The following EPHA3 variants were observed in gnomAD, a reference collection of about 807,000 sequenced individuals.
EPHA3 encodes the protein ephrin type-A receptor 3.
Under a neutral mutation model 107.1 loss-of-function variants are expected in EPHA3, and 42 were observed. That is an observed-to-expected ratio of 0.39 (90% confidence interval 0.31 to 0.51). The LOEUF is 0.51. Among genes scored for constraint, EPHA3 ranks in the 20% least tolerant of loss-of-function variants. The pLI is 0.78. For synonymous variants in EPHA3, 461 were observed against 424.8 expected, an observed-to-expected ratio of 1.09 and a Z score of -1.05; for missense variants, 1,183 against 1,211.2, an observed-to-expected ratio of 0.98 and a Z score of 0.35.
chr3:89,289,466 C>G (rs541412608), intron 3 of EPHA3, among the ~76,000 whole-genome samples: 3 of 152,066 alleles, frequency 2.0e-5, no homozygotes, highest in South Asian at 4.2e-4. Context: ...AGTAATTCAT[C>G]CTGTATAATG....
intron 11 of EPHA3, among the ~76,000 whole-genome samples, chr3:89,424,509 T>C (rs1218172970): frequency 6.6e-6 from 1 of 151,252 alleles, no homozygotes; most frequent in Non-Finnish European, 1.5e-5. Context: ...TTCAATATTG[T>C]ACAGGAAATC....
rs1708397317 is a variant in EPHA3, at chr3:89,375,987, T to A, written c.1307-19850T>A. Among the ~76,000 whole-genome samples, 3 of 151,918 alleles carry A rather than the reference T, an allele frequency of 2.0e-5. No individual in the cohort carries two copies. In the South Asian group the frequency reaches 6.2e-4, roughly 32 times the overall value. ...CTGCCTTTTTACACTACTTTAACCT[T>A]CACACCTTACATGGCACCTGGCATA... On this transcript the variant is annotated intron_variant, in intron 5 of 16. Coordinates refer to ENST00000336596, the MANE Select transcript of EPHA3 (RefSeq NM_005233.6).
chr3:89,229,114 G>A (rs1559610374), intron 3 of EPHA3, among the ~76,000 whole-genome samples: 1 of 151,924 alleles, frequency 6.6e-6, no homozygotes, highest in Non-Finnish European at 1.5e-5. Context: ...TTCGTAGGAT[G>A]TAAGTGCTAA....
At chr3:89,212,464 A>G (rs1397414718) in intron 3 of EPHA3, among the ~76,000 whole-genome samples, 2 of 151,898 alleles carry the variant, frequency 1.3e-5, no homozygotes, top group Non-Finnish European at 2.9e-5. Flanking sequence ...CATTGACAAT[A>G]TTTTACTTGA....
At chr3:89,124,046 G>A (rs749828801) in intron 1 of EPHA3, among the ~76,000 whole-genome samples, 3 of 152,046 alleles carry the variant, frequency 2.0e-5, no homozygotes, top group Non-Finnish European at 4.4e-5. Context: ...TTATCATTGC[G>A]AACTCGTATT....
At chr3:89,200,438 A>G (rs1479112698) in intron 2 of EPHA3, among the ~76,000 whole-genome samples, 1 of 152,202 alleles carries the variant, frequency 6.6e-6, no homozygotes, top group Non-Finnish European at 1.5e-5. Flanking sequence ...GGAAATGTTC[A>G]GTATATAATT....
chr3:89,208,474 G>GAGAA (rs1706177872), intron 2 of EPHA3, among the ~76,000 whole-genome samples: 2 of 131,722 alleles, frequency 1.5e-5, no homozygotes, highest in African/African-American at 2.9e-5. Flanking sequence ...AAGAAAGAAA[G>GAGAA]AAAGAAAGAG....
rs368364496 is a variant in EPHA3 at position 89,148,075 on chromosome 3, A to T, written c.153+20802A>T. On this transcript the variant is annotated intron_variant, in intron 2 of 16. Coordinates refer to ENST00000336596, the MANE Select transcript of EPHA3 (RefSeq NM_005233.6). ...ATGTCTAGAATGTACAAAGATTTTT[A>T]GGGAAAAAATGCATGAACTTGTGTG... Among the ~76,000 whole-genome samples, 5 of 152,116 alleles carry T rather than the reference A, an allele frequency of 3.3e-5. No homozygotes were observed. The South Asian group carries it at 1.0e-3, about 32-fold the overall frequency.
intron 15 of EPHA3, among the ~76,000 whole-genome samples, chr3:89,468,220 A>G (rs1197414845): frequency 1.3e-4 from 19 of 149,850 alleles, no homozygotes. Flanking sequence ...TTGCAGGGCT[A>G]GTTATTCTGA....
intron 5 of EPHA3, among the ~76,000 whole-genome samples, chr3:89,383,485 T>G (rs1708550127): frequency 6.6e-6 from 1 of 152,088 alleles, no homozygotes; most frequent in Non-Finnish European, 1.5e-5. Context: ...CAGAGAATCC[T>G]GCAAGCATCC....
At chr3:89,429,004 T>G in intron 11 of EPHA3, 102 bp from the exon 12 acceptor site, 1 of 690,156 alleles carries the variant, frequency 1.4e-6, no homozygotes, top group Admixed American at 3.1e-5. Flanking sequence ...GCAAAGTTCT[T>G]ACATCTCTAT....
At chr3:89,208,399 AAAGG>A (rs11272670) in intron 2 of EPHA3, among the ~76,000 whole-genome samples, 2 of 26,920 alleles carry the variant, frequency 7.4e-5, no homozygotes, top group Middle Eastern at 0.02. Flanking sequence ...GAAAGAAAGA[AAAGG>A]AAGGAAGGAA....
chr3:89,416,021 C>A (rs1265516449), intron 10 of EPHA3, among the ~76,000 whole-genome samples: 1 of 151,274 alleles, frequency 6.6e-6, no homozygotes, highest in African/African-American at 2.4e-5. Context: ...ACTTAGCTGA[C>A]ACAGAAGCAT....
At chr3:89,107,923 G>A (rs377158509) in intron 1 of EPHA3, 87 bp downstream of exon 1, 10 of 1,319,544 alleles carry the variant, frequency 7.6e-6, no homozygotes, top group Admixed American at 6.9e-5. Flanking sequence ...TTGCACGTCG[G>A]GAAGGTGCCT....
Position 89,218,847 on chromosome 3 carries a change from T to C in EPHA3, c.814+8327T>C, listed in dbSNP as rs1395558700. On this transcript the variant is annotated intron_variant, in intron 3 of 16. Coordinates refer to ENST00000336596, the MANE Select transcript of EPHA3 (RefSeq NM_005233.6). ...AGGAAACAACAGGTGCTGGAGAGGA[T>C]GTGGAGAAATAGGAACACTTTTACA... is the stretch of plus-strand genomic sequence containing the variant. Among the ~76,000 whole-genome samples the C allele has an allele frequency of 2.0e-5, 3 of 152,252 alleles. No homozygotes were observed. In the East Asian group the frequency reaches 5.8e-4, roughly 30 times the overall value.
intron 7 of EPHA3, among the ~76,000 whole-genome samples, chr3:89,406,512 C>A (rs1288571575): frequency 1.3e-5 from 2 of 152,034 alleles, no homozygotes; most frequent in Non-Finnish European, 2.9e-5. Context: ...CAGTCATAGA[C>A]AATATACAAA....
rs1474923830 is a variant in EPHA3, at chr3:89,353,322, C to T, written c.1306+11232C>T. ...ATTTTTCAGCGCCAATGTAGCGAAT[C>T]GGAAACTGTAAACATAATGAAAATC... is the stretch of plus-strand genomic sequence containing the variant. On this transcript the variant is annotated intron_variant, in intron 5 of 16. Transcript: ENST00000336596. Among the ~76,000 whole-genome samples, 5 of 151,164 alleles carry T rather than the reference C, an allele frequency of 3.3e-5. 1 individual carries two copies. The highest frequency in any genetic ancestry group is 2.1e-4 in the South Asian group (1 of 4,792).
chr3:89,209,954 G>T lies in EPHA3; in HGVS notation c.248G>T (p.Arg83Ile), dbSNP rs1019076961. 1.9e-6 allele frequency: 3 copies of T among 1,613,802 alleles called. No homozygotes were observed. In the African/African-American group the frequency reaches 4.0e-5, roughly 22 times the overall value. Residue 83 changes from arginine to isoleucine, a missense_variant, in exon 3 of 17, where the codon AGA becomes ATA. By Grantham distance (97) the Arg-to-Ile change is moderately conservative (BLOSUM62 -3). Transcript: ENST00000336596. ...GACCACAGTCAAAACAATTGGCTGAGAACAAACTGGGTCCCCAGGAACTCA... is the reference window on the plus strand; with the variant it reads ...GACCACAGTCAAAACAATTGGCTGATAACAAACTGGGTCCCCAGGAACTCA... ...VMDHSQNNWLRTNWVPRNSAQ... is the reference protein window; with the variant it reads ...VMDHSQNNWLITNWVPRNSAQ...
At position 89,479,460 on chromosome 3, in the gene EPHA3, A is replaced by T. The variant is rs750990530; in HGVS notation, c.2910A>T (p.Lys970Asn). The T allele has an allele frequency of 6.2e-7, 1 of 1,614,164 alleles. No individual in the cohort carries two copies. Reference sequence around the variant, plus strand: ...AGAAGAAGATCATCAGTAGCATTAAAGCTCTAGAAACGCAATCAAAGAATG... The same window carrying T: ...AGAAGAAGATCATCAGTAGCATTAATGCTCTAGAAACGCAATCAAAGAATG... ...GPQKKIISSI[K>N]ALETQSKNGP... The change falls in exon 17 of 17, where the codon AAA becomes AAT. Residue 970 changes from lysine to asparagine, a missense_variant. Lys to Asn is a moderately conservative substitution (Grantham distance 94). Transcript: ENST00000336596.
Sources: allele counts gnomAD v4.1 joint callset (sites outside exome capture counted in the v4.1 genomes callset), GRCh38; gene constraint gnomAD v4.1.1; transcripts MANE v1.5; gene names NCBI Gene and HGNC (gene_info 2026-07-23, HGNC 2026-07-21).